The following POU6F2 variants were observed in gnomAD, a reference collection of about 807,000 sequenced individuals.
The protein encoded by POU6F2 is POU class 6 homeobox 2.
POU6F2 carries 31 observed loss-of-function variants against 71.3 expected under a neutral mutation model. That is an observed-to-expected ratio of 0.43 (90% CI 0.33 to 0.59). The LOEUF is 0.59. Ranked by LOEUF, POU6F2 falls within the 20% of genes least tolerant of loss-of-function variation. POU6F2 has a pLI of 0.04. For synonymous variants in POU6F2, 347 were observed against 355.7 expected (o/e 0.98, Z 0.27); for missense variants, 783 against 856.8 (o/e 0.91, Z 1.07).
chr7:39,208,872 G>A (rs1207674655), intron 4 of POU6F2, among the ~76,000 whole-genome samples: 2 of 152,106 alleles, frequency 1.3e-5, no homozygotes, highest in East Asian at 1.9e-4. Flanking sequence ...AGGGAGAGGC[G>A]TTTTAATGTA....
intron 4 of POU6F2, among the ~76,000 whole-genome samples, chr7:39,297,190 T>TACACACAC (rs1554339590): frequency 8.5e-5 from 10 of 118,106 alleles, no homozygotes; most frequent in Admixed American, 1.6e-4. Flanking sequence ...CAAACACACA[T>TACACACAC]ACACATACAC....
intron 4 of POU6F2, among the ~76,000 whole-genome samples, chr7:39,210,290 A>G (rs1272753640): frequency 1.3e-5 from 2 of 152,054 alleles, no homozygotes; most frequent in Non-Finnish European, 2.9e-5. Context: ...CTCATTGTGA[A>G]GTGTTAAGCT....
At chr7:39,257,394 GA>G (rs5883680) in intron 4 of POU6F2, among the ~76,000 whole-genome samples, 99,437 of 151,880 alleles carry the variant, frequency 0.65, 32,960 homozygotes, top group East Asian at 0.97. Context: ...TTTTTGAAGG[GA>G]AAAAAAATCT....
At chr7:39,069,411 G>A (rs763345906) in intron 1 of POU6F2, among the ~76,000 whole-genome samples, 11 of 152,164 alleles carry the variant, frequency 7.2e-5, no homozygotes, top group African/African-American at 2.4e-4. Context: ...GGAGAGTCCC[G>A]CAGGTGATAT....
At chr7:39,054,751 G>A (rs1790473182) in intron 1 of POU6F2, among the ~76,000 whole-genome samples, 1 of 148,282 alleles carries the variant, frequency 6.7e-6, no homozygotes, top group African/African-American at 2.5e-5. Context: ...CCACAGCACA[G>A]GGAAAAGATC....
intron 7 of POU6F2, among the ~76,000 whole-genome samples, chr7:39,446,230 G>A (rs965583940): frequency 1.3e-5 from 2 of 152,218 alleles, no homozygotes; most frequent in African/African-American, 2.4e-5. Flanking sequence ...ATTGCAGCAC[G>A]GGGTGGGTTC....
rs1386811340 is a variant in POU6F2 at position 39,079,586 on chromosome 7, A to G, written c.106-6274A>G. Among the ~76,000 whole-genome samples the G allele has an allele frequency of 5.3e-5, 8 of 152,154 alleles. No individual in the cohort carries two copies. In the South Asian group the frequency reaches 8.3e-4, roughly 16 times the overall value. On this transcript the variant is annotated intron_variant, in intron 1 of 9. Transcript: ENST00000518318. ...CCAGTAATTAGCGCTAAAACAAGCA[A>G]TATCCATGGGGTCCCCTCTTTAGTA... is the stretch of plus-strand genomic sequence containing the variant.
rs574052397 is a variant in POU6F2, at chr7:39,309,149, G to A, written c.599-30493G>A. ...AATCAGAACGAGGGGGAGGGAGTCG[G>A]GCACAGAATATAGCGAGAACGAAAA... On this transcript the variant is annotated intron_variant, in intron 4 of 9. Coordinates refer to ENST00000518318, the MANE Select transcript of POU6F2 (RefSeq NM_001370959.1). Among the ~76,000 whole-genome samples the A allele has an allele frequency of 9.8e-5, 15 of 152,314 alleles. No homozygotes were observed. The South Asian group carries it at 1.9e-3, about 19-fold the overall frequency.
intron 2 of POU6F2, among the ~76,000 whole-genome samples, chr7:39,106,141 G>A (rs1791680856): frequency 6.6e-6 from 1 of 152,192 alleles, no homozygotes; most frequent in South Asian, 2.1e-4. Context: ...CGGCTTTACT[G>A]TTTCCAGATG....
intron 4 of POU6F2, among the ~76,000 whole-genome samples, chr7:39,216,496 A>G (rs932321725): frequency 1.1e-4 from 16 of 152,188 alleles, no homozygotes; most frequent in African/African-American, 3.9e-4. Context: ...TAGAGGGATG[A>G]CAAGCAGATC....
intron 5 of POU6F2, among the ~76,000 whole-genome samples, chr7:39,375,608 C>A (rs1293286406): frequency 6.6e-6 from 1 of 150,900 alleles, no homozygotes; most frequent in Non-Finnish European, 1.5e-5. Context: ...TGGCCAAGAC[C>A]AATGCTTCCT....
At chr7:39,142,292 T>G (rs1792519089) in intron 2 of POU6F2, among the ~76,000 whole-genome samples, 1 of 152,182 alleles carries the variant, frequency 6.6e-6, no homozygotes, top group Non-Finnish European at 1.5e-5. Flanking sequence ...GTTATTGGTC[T>G]GCTCATTGTT....
rs1457228327 is a variant in POU6F2 at position 39,460,804 on chromosome 7, A to G, written c.1658+89A>G. 1 of 1,384,990 alleles carries G rather than the reference A, an allele frequency of 7.2e-7. No individual in the cohort carries two copies. Among genetic ancestry groups the G allele is most frequent in the Non-Finnish European group, 9.5e-7 (1 of 1,048,614 alleles). 85.8% of individuals were successfully genotyped at this position (1,384,990 alleles called of 1,614,324 possible). On this transcript the variant is annotated intron_variant, in intron 9 of 9. Transcript: ENST00000518318. The surrounding 1 kb of genome is among the most constrained non-coding windows in gnomAD (Gnocchi z 4.4). ...TCAGCTTTTCTTCGTCGGGTGGGCA[A>G]AGCTGGAGGGGCAGAGAGTGGGAAC... is the stretch of plus-strand genomic sequence containing the variant.
At chr7:39,256,456 A>G (rs753499701) in intron 4 of POU6F2, among the ~76,000 whole-genome samples, 1 of 152,182 alleles carries the variant, frequency 6.6e-6, no homozygotes, top group Non-Finnish European at 1.5e-5. Context: ...TTAATTCCTC[A>G]TTAAACTCCC....
At chr7:39,209,985 A>C (rs554333443) in intron 4 of POU6F2, among the ~76,000 whole-genome samples, 2 of 152,322 alleles carry the variant, frequency 1.3e-5, no homozygotes. Context: ...GTACCTTAGA[A>C]GGAATCCTTA....
intron 1 of POU6F2, among the ~76,000 whole-genome samples, chr7:39,022,268 G>A (rs1300019375): frequency 6.6e-6 from 1 of 151,434 alleles, no homozygotes; most frequent in Admixed American, 6.6e-5. Flanking sequence ...TCTTTTTTTG[G>A]ATAAAATGCC....
At chr7:39,146,271 A>G (rs1186318531) in intron 2 of POU6F2, among the ~76,000 whole-genome samples, 1 of 152,108 alleles carries the variant, frequency 6.6e-6, no homozygotes, top group Non-Finnish European at 1.5e-5. Context: ...ACTGTAATGG[A>G]ACCATGGATG....
At chr7:39,246,904 G>A (rs1380430649) in intron 4 of POU6F2, among the ~76,000 whole-genome samples, 1 of 85,390 alleles carries the variant, frequency 1.2e-5, no homozygotes, top group Non-Finnish European at 2.1e-5. Flanking sequence ...ATCCAGGGTG[G>A]CTTTTTTTTT....
chr7:39,437,208 T>C (rs10254703), intron 7 of POU6F2, among the ~76,000 whole-genome samples: 51,224 of 152,048 alleles, frequency 0.34, 9,650 homozygotes, highest in East Asian at 0.58. Context: ...ACCAGCTCCT[T>C]TTTGTATTTC....
Sources: gnomAD v4.1 joint callset for allele counts (sites outside exome capture counted in the v4.1 genomes callset) on GRCh38, gnomAD v4.1.1 for gene constraint, Gnocchi (gnomAD v3.1) non-coding constraint, MANE v1.5 for transcripts, NCBI Gene and HGNC (gene_info 2026-07-23, HGNC 2026-07-21) for gene names.